The following CHCHD4 variants were observed in gnomAD, a reference collection of about 807,000 sequenced individuals.
The protein encoded by CHCHD4 is mitochondrial intermembrane space import and assembly protein 40.
A neutral mutation model predicts 12.4 loss-of-function variants in CHCHD4; 7 were observed. That is an observed-to-expected ratio of 0.57 (90% CI 0.32 to 1.06). The LOEUF (loss-of-function observed/expected upper bound fraction) is 1.06. Ranked by LOEUF, CHCHD4 falls within the 50% of genes least tolerant of loss-of-function variation. CHCHD4 has a pLI of 0.04. For missense variants in CHCHD4, 143 were observed against 175.1 expected, an observed-to-expected ratio of 0.82 and a Z score of 1.03; for synonymous variants, 56 against 58.0, an observed-to-expected ratio of 0.97 and a Z score of 0.16.
At position 14,113,184 on chromosome 3, in the gene CHCHD4, C is replaced by T. The variant is rs369484832; in HGVS notation, c.132G>A (p.Leu44=). 1 of 1,606,816 alleles carries T rather than the reference C, an allele frequency of 6.2e-7. No homozygotes were observed. The highest frequency in any genetic ancestry group is 1.3e-5 in the African/African-American group (1 of 74,600). The change falls in exon 3 of 3, where the codon CTG becomes CTA. Residue 44 remains leucine (L), a synonymous_variant. Transcript: ENST00000396914. ...NDPYEEHGLI[L]PNGNINWNCP... Reference sequence around the variant, plus strand: ...AGTTCCAGTTAATGTTTCCATTTGGCAGTATCAATCCTAGAACAGGAAGAT... The same window carrying T: ...AGTTCCAGTTAATGTTTCCATTTGGTAGTATCAATCCTAGAACAGGAAGAT...
At position 14,124,791 on chromosome 3, in the gene CHCHD4, CG is replaced by C; in HGVS notation, c.-116del. On this transcript the variant is annotated 5_prime_UTR_variant, in exon 1 of 3. Transcript: ENST00000396914. ...GGCTCCTCCGAAGCCCGCGCGGACC[CG>C]CCCCCTCCCAGGCCTGCCCGCCGCG... 8.0e-7 allele frequency: 1 copy of C among 1,246,982 alleles called. No homozygotes were observed. Among genetic ancestry groups the C allele is most frequent in the Non-Finnish European group, 1.1e-6 (1 of 924,952 alleles). 77.2% of individuals were successfully genotyped at this position (1,246,982 alleles called of 1,614,324 possible). A position where few individuals can be genotyped will look rare whatever the true frequency, so the allele number is the denominator to read the frequency against.
chr3:14,124,852 C>T lies in CHCHD4; in HGVS notation c.-176G>A. 1 of 713,224 alleles carries T rather than the reference C, an allele frequency of 1.4e-6. No individual in the cohort carries two copies. The highest frequency in any genetic ancestry group is 2.8e-5 in the East Asian group (1 of 36,312). The allele number at this position is 713,224 out of a possible 1,614,324, so 44.2% of individuals were successfully genotyped here. On this transcript the variant is annotated 5_prime_UTR_variant, in exon 1 of 3. Transcript: ENST00000396914. The stretch of plus-strand genomic sequence containing the variant: ...CGGCGCCCTCGCAACCGCGGCCAGG[C>T]CAACCTCAGCCGGAAACTACATTTC...
At chr3:14,113,681 G>A (rs1574930151) in intron 2 of CHCHD4, among the ~76,000 whole-genome samples, 1 of 152,046 alleles carries the variant, frequency 6.6e-6, no homozygotes, top group African/African-American at 2.4e-5. Context: ...GCATAGCCTG[G>A]GGACTGGTGA....
chr3:14,116,271 G>A (rs1016212262), intron 2 of CHCHD4, among the ~76,000 whole-genome samples, 155 bp downstream of exon 2: 1 of 152,182 alleles, frequency 6.6e-6, no homozygotes, highest in African/African-American at 2.4e-5. Context: ...AAACCTCTGA[G>A]GAAGATAAAC....
Position 14,124,710 on chromosome 3 carries a change from G to A in CHCHD4, c.-34C>T, listed in dbSNP as rs747491396. 8.6e-6 allele frequency: 13 copies of A among 1,517,074 alleles called. No homozygotes were observed. The African/African-American group carries it at 1.3e-4, about 15-fold the overall frequency. 94.0% of individuals were successfully genotyped at this position (1,517,074 alleles called of 1,614,324 possible). ...CCCGTCCCTGAGACCTTGCAGAAGC[G>A]GCGGTGGCGGCAGCTGCACCTTTAC... On this transcript the variant is annotated 5_prime_UTR_variant, in exon 1 of 3. Coordinates refer to ENST00000396914, the MANE Select transcript of CHCHD4 (RefSeq NM_001098502.2).
At chr3:14,124,617 C>T (rs1467605879) in intron 1 of CHCHD4, 38 bp downstream of exon 1, 3 of 1,495,578 alleles carry the variant, frequency 2.0e-6, no homozygotes, top group South Asian at 2.5e-5. Flanking sequence ...CCCGCAGGCC[C>T]TCGTAGGCCG....
intron 1 of CHCHD4, 77 bp from the exon 2 acceptor site, chr3:14,116,601 C>T: frequency 1.9e-6 from 2 of 1,061,692 alleles, no homozygotes; most frequent in Non-Finnish European, 2.9e-6. Flanking sequence ...GCAGCCGCCA[C>T]ACAAACCAAG....
chr3:14,113,155 G>A lies in CHCHD4; in HGVS notation c.161C>T (p.Pro54Leu). 6.2e-7 allele frequency: 1 copy of A among 1,612,868 alleles called. No homozygotes were observed. Among genetic ancestry groups the A allele is most frequent in the Non-Finnish European group, 8.5e-7 (1 of 1,179,422 alleles). ...LPNGNINWNC[P>L]CLGGMASGPC... is the part of the protein sequence containing the mutation. ...ACCGCTGGCCATTCCCCCAAGGCATGGGCAGTTCCAGTTAATGTTTCCATT... is the reference window on the plus strand; with the variant it reads ...ACCGCTGGCCATTCCCCCAAGGCATAGGCAGTTCCAGTTAATGTTTCCATT... Residue 54 changes from proline to leucine, a missense_variant, in exon 3 of 3, where the codon CCA (proline) becomes CTA (leucine). By Grantham distance (98) the Pro-to-Leu change is moderately conservative. Coordinates refer to ENST00000396914, the MANE Select transcript of CHCHD4 (RefSeq NM_001098502.2).
chr3:14,124,663 C>T lies in CHCHD4; in HGVS notation c.14G>A (p.Arg5Gln). 1.3e-6 allele frequency: 2 copies of T among 1,526,726 alleles called. No individual in the cohort carries two copies. Among genetic ancestry groups the T allele is most frequent in the South Asian group, 2.5e-5 (2 of 80,988 alleles). 94.6% of individuals were successfully genotyped at this position (1,526,726 alleles called of 1,614,324 possible). A position where few individuals can be genotyped will look rare whatever the true frequency, so the allele number is the denominator to read the frequency against. MSYC[R>Q]QEGKDRIIFV... Reference sequence around the variant, plus strand: ...CAGCCCGCCCTCCCTACCTTCCTGCCGGCAATAGGACATGGCTGCAGCCCG... The same window carrying T: ...CAGCCCGCCCTCCCTACCTTCCTGCTGGCAATAGGACATGGCTGCAGCCCG... Residue 5 changes from arginine to glutamine, a missense_variant, in exon 1 of 3, where the codon CGG (arginine) becomes CAG (glutamine). Transcript: ENST00000396914.
chr3:14,123,112 C>T (rs1177880834), intron 1 of CHCHD4, among the ~76,000 whole-genome samples: 1 of 152,048 alleles, frequency 6.6e-6, no homozygotes, highest in Non-Finnish European at 1.5e-5. Flanking sequence ...CTAAGGAAGG[C>T]CTATAAGTGA....
At chr3:14,117,447 G>A (rs1225450881) in intron 1 of CHCHD4, among the ~76,000 whole-genome samples, 3 of 152,196 alleles carry the variant, frequency 2.0e-5, no homozygotes, top group Non-Finnish European at 4.4e-5. Context: ...CCCCCATGGA[G>A]TACAACAGAA....
Position 14,124,721 on chromosome 3 carries a change from C to G in CHCHD4, c.-45G>C. 1 of 1,512,882 alleles carries G rather than the reference C, an allele frequency of 6.6e-7. No homozygotes were observed. The highest frequency in any genetic ancestry group is 8.8e-7 in the Non-Finnish European group (1 of 1,132,010). The allele number at this position is 1,512,882 out of a possible 1,614,324, so 93.7% of individuals were successfully genotyped here. On this transcript the variant is annotated 5_prime_UTR_variant, in exon 1 of 3. Coordinates refer to ENST00000396914, the MANE Select transcript of CHCHD4 (RefSeq NM_001098502.2). The stretch of plus-strand genomic sequence containing the variant: ...GACCTTGCAGAAGCGGCGGTGGCGG[C>G]AGCTGCACCTTTACGCCGTGACCTC...
At chr3:14,120,650 G>C (rs536179138) in intron 1 of CHCHD4, among the ~76,000 whole-genome samples, 1 of 152,306 alleles carries the variant, frequency 6.6e-6, no homozygotes, top group Non-Finnish European at 1.5e-5. Context: ...TGGAATGTCA[G>C]CTCCTCAGAG....
intron 1 of CHCHD4, 40 bp from the exon 2 acceptor site, chr3:14,116,564 G>C: frequency 6.8e-7 from 1 of 1,461,614 alleles, no homozygotes; most frequent in Non-Finnish European, 9.6e-7. Flanking sequence ...TTTCATTCAA[G>C]AGCAGTGAAT....
chr3:14,119,143 A>G (rs910248804), intron 1 of CHCHD4: 20 of 152,346 alleles, frequency 1.3e-4, no homozygotes, highest in African/African-American at 4.8e-4. Flanking sequence ...CCAGGTCCTC[A>G]CATGTGCCTT....
intron 1 of CHCHD4, 48 bp from the exon 2 acceptor site, chr3:14,116,572 A>C: frequency 2.1e-6 from 3 of 1,415,846 alleles, no homozygotes; most frequent in Non-Finnish European, 3.0e-6. Flanking sequence ...AAGAGCAGTG[A>C]ATCAGCTTTA....
At chr3:14,122,079 G>A in intron 1 of CHCHD4, 1 of 1,593,144 alleles carries the variant, frequency 6.3e-7, no homozygotes, top group South Asian at 1.1e-5. Context: ...AACCATCCTG[G>A]GCAAAGCCTG....
At chr3:14,124,561 T>TCGCGGGGCGCCGG in intron 1 of CHCHD4, 94 bp downstream of exon 1, 1 of 1,225,992 alleles carries the variant, frequency 8.2e-7, no homozygotes, top group Non-Finnish European at 1.1e-6. Flanking sequence ...GCGCCTCAGG[T>TCGCGGGGCGCCGG]GGCCCGCGCC....
chr3:14,120,730 G>T (rs746670294), intron 1 of CHCHD4, among the ~76,000 whole-genome samples: 5 of 152,194 alleles, frequency 3.3e-5, no homozygotes, highest in Non-Finnish European at 7.4e-5. Flanking sequence ...GGACAAAGTG[G>T]GTGTTCAATA....
Sources: allele counts gnomAD v4.1 joint callset (sites outside exome capture counted in the v4.1 genomes callset), GRCh38; gene constraint gnomAD v4.1.1; transcripts MANE v1.5; gene names NCBI Gene and HGNC (gene_info 2026-07-23, HGNC 2026-07-21).